The following TDRD5 variants were observed in gnomAD, a reference collection of about 807,000 sequenced individuals.
TDRD5 encodes tudor domain-containing protein 5.
A neutral mutation model predicts 120.6 loss-of-function variants in TDRD5; 41 were observed. The observed-to-expected ratio is 0.34, with a 90% CI of 0.26 to 0.44. TDRD5 has a LOEUF of 0.44. TDRD5 is among the 20% of genes least tolerant of loss of function. The pLI is 1.00. For synonymous variants in TDRD5, 430 were observed against 433.7 expected, an observed-to-expected ratio of 0.99 and a Z score of 0.11; for missense variants, 1,006 against 1,221.2, an observed-to-expected ratio of 0.82 and a Z score of 2.63.
At chr1:179,631,886 G>T (rs1677474299) in intron 7 of TDRD5, among the ~76,000 whole-genome samples, 2 of 142,274 alleles carry the variant, frequency 1.4e-5, no homozygotes. Flanking sequence ...GGGGTGGGTG[G>T]TGGTGAGGGA....
At chr1:179,676,499 G>A (rs190894144) in intron 17 of TDRD5, among the ~76,000 whole-genome samples, 4 of 152,162 alleles carry the variant, frequency 2.6e-5, no homozygotes, top group Non-Finnish European at 5.9e-5. Context: ...TTTTGAGGAT[G>A]TGTTTCAAGA....
intron 14 of TDRD5, among the ~76,000 whole-genome samples, chr1:179,660,571 C>T (rs1679259902): frequency 1.3e-5 from 2 of 152,100 alleles, no homozygotes; most frequent in South Asian, 4.1e-4. Context: ...TTACAATGTA[C>T]TTAGTCAGCA....
At chr1:179,654,411 T>C (rs894516633) in intron 14 of TDRD5, 49 bp downstream of exon 14, 1 of 1,448,414 alleles carries the variant, frequency 6.9e-7, no homozygotes, top group Non-Finnish European at 9.2e-7. Context: ...TATAATACAC[T>C]GAATTCATAA....
intron 4 of TDRD5, among the ~76,000 whole-genome samples, chr1:179,599,877 G>C (rs1675610646): frequency 6.6e-6 from 1 of 152,126 alleles, no homozygotes; most frequent in Admixed American, 6.5e-5. Context: ...ATAGTGCAAT[G>C]CAACACTTAC....
chr1:179,625,002 G>A (rs561669795), intron 6 of TDRD5, among the ~76,000 whole-genome samples: 1 of 152,154 alleles, frequency 6.6e-6, no homozygotes, highest in South Asian at 2.1e-4. Flanking sequence ...CTCTGGGCAT[G>A]GTGGCTCATG....
intron 11 of TDRD5, among the ~76,000 whole-genome samples, chr1:179,641,081 TATA>T (rs1480839560): frequency 1.3e-5 from 2 of 151,020 alleles, no homozygotes; most frequent in Admixed American, 6.6e-5. Context: ...TTTATATAAT[TATA>T]ATTATTTTAT....
chr1:179,596,907 C>T (rs1388843349), intron 4 of TDRD5, among the ~76,000 whole-genome samples: 4 of 152,170 alleles, frequency 2.6e-5, no homozygotes, highest in Non-Finnish European at 4.4e-5. Context: ...GTATGACTTT[C>T]CTTTCCCATT....
intron 3 of TDRD5, 92 bp from the exon 4 acceptor site, chr1:179,595,536 T>C: frequency 8.9e-7 from 1 of 1,121,584 alleles, no homozygotes; most frequent in Non-Finnish European, 1.2e-6. Flanking sequence ...TGAAGGCAGT[T>C]AGCTCACAGT....
At chr1:179,630,708 A>G (rs1327841573) in intron 6 of TDRD5, 59 bp from the exon 7 acceptor site, 31 of 1,550,696 alleles carry the variant, frequency 2.0e-5, no homozygotes, top group South Asian at 2.4e-5. Context: ...GGACAACTAT[A>G]TATGTTATAT....
At chr1:179,636,404 C>T (rs1677766126) in intron 9 of TDRD5, among the ~76,000 whole-genome samples, 1 of 152,018 alleles carries the variant, frequency 6.6e-6, no homozygotes, top group Non-Finnish European at 1.5e-5. Context: ...TGTTAAAATC[C>T]ACTGGTCTGC....
intron 11 of TDRD5, among the ~76,000 whole-genome samples, chr1:179,642,549 A>G (rs1160247710): frequency 6.6e-6 from 1 of 152,186 alleles, no homozygotes; most frequent in Non-Finnish European, 1.5e-5. Flanking sequence ...GACTTCTTTG[A>G]CCTGACAATT....
At chr1:179,610,535 T>C (rs2101943330) in intron 4 of TDRD5, among the ~76,000 whole-genome samples, 2 of 152,290 alleles carry the variant, frequency 1.3e-5, no homozygotes, top group Middle Eastern at 6.8e-3. Flanking sequence ...CAGAGTGTGG[T>C]AGTGTCTTTT....
In TDRD5 at chr1:179,691,082, T is replaced by A; in HGVS notation, c.*139T>A. 6.4e-6 allele frequency: 7 copies of A among 1,102,002 alleles called. No homozygotes were observed. Among genetic ancestry groups the A allele is most frequent in the South Asian group, 1.7e-5 (1 of 59,304 alleles). The allele number at this position is 1,102,002 out of a possible 1,614,324, so 68.3% of individuals were successfully genotyped here. Reference sequence around the variant, plus strand: ...TGTCTTTCTGTGACTATATGTTAGCTTTATTATGCTAACAGTCTACTTTGA... The same window carrying A: ...TGTCTTTCTGTGACTATATGTTAGCATTATTATGCTAACAGTCTACTTTGA... On this transcript the variant is annotated 3_prime_UTR_variant, in exon 18 of 18. Coordinates refer to ENST00000444136, the MANE Select transcript of TDRD5 (RefSeq NM_001199085.3).
At chr1:179,621,181 C>G in intron 6 of TDRD5, 90 bp downstream of exon 6, 1 of 1,075,984 alleles carries the variant, frequency 9.3e-7, no homozygotes, top group Non-Finnish European at 1.3e-6. Context: ...TTGGATTCTC[C>G]AGGTCTATGC....
At chr1:179,629,470 G>A (rs1677316111) in intron 6 of TDRD5, among the ~76,000 whole-genome samples, 1 of 152,120 alleles carries the variant, frequency 6.6e-6, no homozygotes, top group Non-Finnish European at 1.5e-5. Flanking sequence ...TAAAATGCAT[G>A]CAAAGAATGA....
chr1:179,593,105 C>G (rs1174586581), intron 2 of TDRD5, among the ~76,000 whole-genome samples: 4 of 151,738 alleles, frequency 2.6e-5, no homozygotes, highest in Non-Finnish European at 5.9e-5. Flanking sequence ...CACCTTAAGT[C>G]GAGAGAAACA....
rs148296832 is a variant in TDRD5 at position 179,646,686 on chromosome 1, A to T, written c.1801-4181A>T. ...ATCGTCCCTGTCTGCAGATGACATGATAGTATATCTAGAAAACCCCACTGT... is the reference window on the plus strand; with the variant it reads ...ATCGTCCCTGTCTGCAGATGACATGTTAGTATATCTAGAAAACCCCACTGT... On this transcript the variant is annotated intron_variant, in intron 11 of 17. Transcript: ENST00000444136. Among the ~76,000 whole-genome samples, 336 of 152,312 alleles carry T rather than the reference A, an allele frequency of 2.2e-3. 5 individuals carry two copies. Among genetic ancestry groups the T allele is most frequent in the African/African-American group, 7.6e-3 (317 of 41,564 alleles).
intron 4 of TDRD5, among the ~76,000 whole-genome samples, chr1:179,596,041 CAAATG>C (rs1675374136): frequency 6.6e-6 from 1 of 152,112 alleles, no homozygotes; most frequent in South Asian, 2.1e-4. Context: ...CTATTTTCTG[CAAATG>C]ACTCCCAACT....
intron 14 of TDRD5, among the ~76,000 whole-genome samples, chr1:179,661,831 T>C (rs561593526): frequency 1.3e-5 from 2 of 152,328 alleles, no homozygotes; most frequent in East Asian, 3.9e-4. Flanking sequence ...AGGATTCCAC[T>C]TTCTCAGGAC....
Sources: gnomAD v4.1 joint callset for allele counts (sites outside exome capture counted in the v4.1 genomes callset) on GRCh38, gnomAD v4.1.1 for gene constraint, MANE v1.5 for transcripts, NCBI Gene and HGNC (gene_info 2026-07-23, HGNC 2026-07-21) for gene names.